Variants in GALNT17 observed in about 807,000 individuals in gnomAD.
GALNT17 encodes polypeptide N-acetylgalactosaminyltransferase 17.
GALNT17 carries 29 observed loss-of-function variants against 63.7 expected under a neutral mutation model. The observed-to-expected ratio is 0.46, with a 90% CI of 0.34 to 0.62. The LOEUF is 0.62. Among genes scored for constraint, GALNT17 ranks in the 20% least tolerant of loss-of-function variants. GALNT17 has a pLI of 0.01. For missense variants in GALNT17, 603 were observed against 799.6 expected (o/e 0.75, Z 2.97); for synonymous variants, 305 against 318.3 (o/e 0.96, Z 0.45).
intron 9 of GALNT17, among the ~76,000 whole-genome samples, chr7:71,693,303 C>T (rs35161218): frequency 0.52 from 63,642 of 121,568 alleles, 17,622 homozygotes; most frequent in Middle Eastern, 0.59. Flanking sequence ...CACACACACA[C>T]ACACACATAT....
At chr7:71,378,961 C>T (rs955967628) in intron 2 of GALNT17, among the ~76,000 whole-genome samples, 6 of 152,090 alleles carry the variant, frequency 3.9e-5, no homozygotes, top group Admixed American at 6.6e-5. Flanking sequence ...ATGATTGTGC[C>T]GCTGCACTCC....
At position 71,632,181 on chromosome 7, in the gene GALNT17, A is replaced by C. The variant is rs143710697; in HGVS notation, c.1081-33230A>C. Among the ~76,000 whole-genome samples, 475 of 152,306 alleles carry C rather than the reference A, an allele frequency of 3.1e-3. 4 individuals carry two copies. The highest frequency in any genetic ancestry group is 0.01 in the African/African-American group (416 of 41,570). ...CTCTTACAAGGACCATTAAGGCTCA[A>C]GATAAGGAACAGCCTTGTGTCCGGC... On this transcript the variant is annotated intron_variant, in intron 6 of 10. Coordinates refer to ENST00000333538, the MANE Select transcript of GALNT17 (RefSeq NM_022479.3).
intron 1 of GALNT17, among the ~76,000 whole-genome samples, chr7:71,269,333 G>A (rs1345950288): frequency 6.6e-6 from 1 of 152,168 alleles, no homozygotes; most frequent in Non-Finnish European, 1.5e-5. Flanking sequence ...TGGGCATGGT[G>A]GTGCACACCT....
At chr7:71,562,988 A>G (rs1789280134) in intron 5 of GALNT17, among the ~76,000 whole-genome samples, 1 of 152,182 alleles carries the variant, frequency 6.6e-6, no homozygotes, top group African/African-American at 2.4e-5. Flanking sequence ...AGAAAGCTGT[A>G]TATGTCTTGG....
chr7:71,573,418 C>T (rs1196931800), intron 6 of GALNT17, among the ~76,000 whole-genome samples: 1 of 152,214 alleles, frequency 6.6e-6, no homozygotes, highest in East Asian at 1.9e-4. Flanking sequence ...GCAAGCTCCA[C>T]CTCCTGGGTT....
chr7:71,544,850 G>GTT (rs5884844), intron 5 of GALNT17, among the ~76,000 whole-genome samples: 64,082 of 146,872 alleles, frequency 0.44, 14,150 homozygotes, highest in African/African-American at 0.51. Context: ...CTGAGCTTTA[G>GTT]TTTTTTTTTT....
chr7:71,605,043 A>G (rs1256308853), intron 6 of GALNT17, among the ~76,000 whole-genome samples: 3 of 152,158 alleles, frequency 2.0e-5, no homozygotes, highest in Non-Finnish European at 4.4e-5. Flanking sequence ...TTTTCCCACA[A>G]ACAAATAAAT....
intron 6 of GALNT17, among the ~76,000 whole-genome samples, chr7:71,595,300 C>G (rs533742559): frequency 6.6e-6 from 1 of 152,076 alleles, no homozygotes; most frequent in African/African-American, 2.4e-5. Context: ...CATGGTGTCA[C>G]ATGTCTGTAG....
At chr7:71,594,908 G>T (rs893315041) in intron 6 of GALNT17, among the ~76,000 whole-genome samples, 1 of 152,220 alleles carries the variant, frequency 6.6e-6, no homozygotes, top group Non-Finnish European at 1.5e-5. Context: ...TTGTGGACAT[G>T]ACCTTATTGG....
intron 5 of GALNT17, among the ~76,000 whole-genome samples, chr7:71,523,082 A>T (rs761303904): frequency 6.6e-6 from 1 of 152,114 alleles, no homozygotes; most frequent in Non-Finnish European, 1.5e-5. Flanking sequence ...CTGGTGGCAC[A>T]CACCTGTAGT....
chr7:71,647,816 C>T (rs1373940845), intron 6 of GALNT17, among the ~76,000 whole-genome samples: 1 of 152,212 alleles, frequency 6.6e-6, no homozygotes. Flanking sequence ...TGCTTCCAGC[C>T]ACTTAGGCCA....
At chr7:71,444,284 C>T (rs1039959523) in intron 5 of GALNT17, among the ~76,000 whole-genome samples, 11 of 152,318 alleles carry the variant, frequency 7.2e-5, no homozygotes, top group Non-Finnish European at 1.3e-4. Context: ...AGGCTTCATT[C>T]CTGCCCAGGG....
chr7:71,440,247 A>G (rs773316319), intron 5 of GALNT17, among the ~76,000 whole-genome samples: 1 of 152,008 alleles, frequency 6.6e-6, no homozygotes, highest in Non-Finnish European at 1.5e-5. Flanking sequence ...GTATCCTGAA[A>G]GGCTGAAAAG....
intron 1 of GALNT17, among the ~76,000 whole-genome samples, chr7:71,134,432 G>A (rs1787744245): frequency 6.6e-6 from 1 of 152,186 alleles, no homozygotes. Flanking sequence ...TTCTTTTCAG[G>A]CTCACCAAAG....
rs190797284 is a variant in GALNT17, at chr7:71,430,011, T to C, written c.962+8906T>C. On this transcript the variant is annotated intron_variant, in intron 5 of 10. Coordinates refer to ENST00000333538, the MANE Select transcript of GALNT17 (RefSeq NM_022479.3). ...CGTGAGCCACCGTGCCTGGCTGTAA[T>C]TTTTAAAAAATGTTTGTAAAGTCAG... Among the ~76,000 whole-genome samples the C allele has an allele frequency of 2.5e-4, 38 of 152,142 alleles. 4 individuals are homozygous for C. The East Asian group carries it at 2.9e-3, about 12-fold the overall frequency.
At chr7:71,495,525 T>G (rs1483973967) in intron 5 of GALNT17, among the ~76,000 whole-genome samples, 1 of 152,018 alleles carries the variant, frequency 6.6e-6, no homozygotes, top group African/African-American at 2.4e-5. Flanking sequence ...ATTTTACAAG[T>G]CAGGCAGAAA....
At chr7:71,326,519 C>T (rs1791708094) in intron 1 of GALNT17, among the ~76,000 whole-genome samples, 1 of 152,156 alleles carries the variant, frequency 6.6e-6, no homozygotes, top group African/African-American at 2.4e-5. Context: ...CCCAACATTC[C>T]AACTTCCAAC....
chr7:71,471,224 G>C (rs1266379974), intron 5 of GALNT17, among the ~76,000 whole-genome samples: 1 of 151,742 alleles, frequency 6.6e-6, no homozygotes, highest in African/African-American at 2.4e-5. Context: ...CTACAGACAG[G>C]TGCCACCATA....
At chr7:71,444,700 G>T (rs10269550) in intron 5 of GALNT17, among the ~76,000 whole-genome samples, 5 of 151,980 alleles carry the variant, frequency 3.3e-5, no homozygotes, top group Admixed American at 3.3e-4. Context: ...ACTGGGCAGC[G>T]CCTGTAATCC....
Sources: gnomAD v4.1 joint callset for allele counts (sites outside exome capture counted in the v4.1 genomes callset) on GRCh38, gnomAD v4.1.1 for gene constraint, MANE v1.5 for transcripts, NCBI Gene and HGNC (gene_info 2026-07-23, HGNC 2026-07-21) for gene names.